GTF2E2: variants seen among roughly 807,000 people sequenced by gnomAD.
GTF2E2 encodes transcription initiation factor IIE subunit beta.
In GTF2E2, 21 loss-of-function variants were observed where a neutral mutation model predicts 40.5. The observed-to-expected ratio is 0.52, with a 90% CI of 0.37 to 0.75. The LOEUF is 0.75. Among genes scored for constraint, GTF2E2 ranks in the 30% least tolerant of loss-of-function variants. The probability of loss-of-function intolerance (pLI) is 0.00; values close to 1 mark genes in which losing one functional copy is unlikely to be tolerated. For synonymous variants in GTF2E2, 117 were observed against 121.6 expected (o/e 0.96, Z 0.25); for missense variants, 298 against 338.4 (o/e 0.88, Z 0.94).
rs917903399 is a variant in GTF2E2 at position 30,652,987 on chromosome 8, T to C, written c.166+446A>G. The stretch of plus-strand genomic sequence containing the variant: ...ACCACTTACTGTACAATTTCATTTA[T>C]AGGAAATATCCAGAAAAGGCAAATA... On this transcript the variant is annotated intron_variant, in intron 2 of 7. Transcript: ENST00000355904. Among the ~76,000 whole-genome samples the C allele has an allele frequency of 6.6e-5, 10 of 152,152 alleles. 1 individual carries two copies. The highest frequency in any genetic ancestry group is 4.1e-4 in the South Asian group (2 of 4,826).
chr8:30,620,765 CAA>C (rs754974238), intron 3 of GTF2E2, among the ~76,000 whole-genome samples: 2 of 131,130 alleles, frequency 1.5e-5, no homozygotes, highest in African/African-American at 2.8e-5. Context: ...CTCGACTCCA[CAA>C]AAAAAAAAAA....
intron 2 of GTF2E2, among the ~76,000 whole-genome samples, chr8:30,644,119 C>T (rs554182502): frequency 2.6e-5 from 4 of 152,192 alleles, no homozygotes; most frequent in Non-Finnish European, 5.9e-5. Flanking sequence ...GAGATCAAGA[C>T]AGTAAAAACT....
chr8:30,653,573 C>T lies in GTF2E2; in HGVS notation c.26G>A (p.Arg9Lys). MDPSLLRE[R>K]ELFKKRALST... ...AAGAGCTCGTTTTTTGAACAGCTCC[C>T]TTTCTCTCAACAGGCTTGGATCCAT... The change falls in exon 2 of 8, where the codon AGG becomes AAG. Residue 9 changes from arginine to lysine, a missense_variant. Physicochemically the swap from Arg to Lys is conservative, Grantham distance 26. Coordinates refer to ENST00000355904, the MANE Select transcript of GTF2E2 (RefSeq NM_002095.6). 1 of 1,613,102 alleles carries T rather than the reference C, an allele frequency of 6.2e-7. No homozygotes were observed. The highest frequency in any genetic ancestry group is 1.3e-5 in the African/African-American group (1 of 74,944).
chr8:30,580,547 T>C (rs964950697), intron 6 of GTF2E2, 151 bp from the exon 7 acceptor site: 7 of 615,048 alleles, frequency 1.1e-5, no homozygotes, highest in African/African-American at 5.5e-5. Flanking sequence ...AACATCCACA[T>C]GTGGGACACG....
intron 6 of GTF2E2, among the ~76,000 whole-genome samples, chr8:30,600,510 A>C (rs1829146515): frequency 6.6e-6 from 1 of 152,236 alleles, no homozygotes; most frequent in African/African-American, 2.4e-5. Context: ...GAGGAATCTC[A>C]GAGAGAGGTT....
At chr8:30,602,658 G>A (rs2151120598) in intron 6 of GTF2E2, among the ~76,000 whole-genome samples, 1 of 151,200 alleles carries the variant, frequency 6.6e-6, no homozygotes, top group African/African-American at 2.4e-5. Flanking sequence ...GGAGGCTGAG[G>A]CAGGAGAATT....
chr8:30,642,958 C>CT (rs1163461524), intron 2 of GTF2E2, among the ~76,000 whole-genome samples: 1 of 152,124 alleles, frequency 6.6e-6, no homozygotes, highest in Non-Finnish European at 1.5e-5. Context: ...TGAGATATCT[C>CT]TTTTTTGGAA....
chr8:30,650,488 G>T (rs1318124267), intron 2 of GTF2E2, among the ~76,000 whole-genome samples: 1 of 143,668 alleles, frequency 7.0e-6, no homozygotes, highest in Non-Finnish European at 1.5e-5. Flanking sequence ...CGGGGAGTTT[G>T]AGACCCACCT....
chr8:30,587,481 AAAT>A (rs199760369), intron 6 of GTF2E2, among the ~76,000 whole-genome samples: 1 of 151,964 alleles, frequency 6.6e-6, no homozygotes, highest in African/African-American at 2.4e-5. Flanking sequence ...AAAAAAAAAA[AAAT>A]AACCTGATTT....
chr8:30,645,730 A>T (rs1173589655), intron 2 of GTF2E2: 4 of 883,488 alleles, frequency 4.5e-6, no homozygotes, highest in Non-Finnish European at 6.7e-6. Flanking sequence ...GTAGAAGGGG[A>T]AAAAAAAGTT....
intron 6 of GTF2E2, among the ~76,000 whole-genome samples, chr8:30,599,777 G>T (rs1829121462): frequency 1.3e-5 from 2 of 152,106 alleles, no homozygotes; most frequent in African/African-American, 4.8e-5. Flanking sequence ...TAGGTCAAGA[G>T]ATCGAGACCA....
At chr8:30,627,448 CAAA>C (rs71539905) in intron 3 of GTF2E2, among the ~76,000 whole-genome samples, 2 of 64,778 alleles carry the variant, frequency 3.1e-5, no homozygotes, top group Non-Finnish European at 5.6e-5. Context: ...ACCTCTCTTG[CAAA>C]AAAAAAAAAA....
intron 1 of GTF2E2, 141 bp downstream of exon 1, chr8:30,657,832 G>C (rs920912660): frequency 1.3e-5 from 2 of 152,252 alleles, no homozygotes; most frequent in African/African-American, 4.8e-5. Context: ...CGTGCTGGGT[G>C]TTTCGCTTCG....
At chr8:30,652,575 GT>G (rs1563513058) in intron 2 of GTF2E2, among the ~76,000 whole-genome samples, 1 of 151,182 alleles carries the variant, frequency 6.6e-6, no homozygotes. Context: ...AATTTCAAGC[GT>G]TAGCAAGGAT....
intron 2 of GTF2E2, among the ~76,000 whole-genome samples, chr8:30,650,629 G>A (rs1002749719): frequency 1.3e-5 from 2 of 151,914 alleles, no homozygotes; most frequent in African/African-American, 4.8e-5. Flanking sequence ...GGGGAGTTTC[G>A]AGGCTGCAGT....
At chr8:30,618,950 A>G (rs1801004893) in intron 3 of GTF2E2, among the ~76,000 whole-genome samples, 1 of 152,074 alleles carries the variant, frequency 6.6e-6, no homozygotes, top group Non-Finnish European at 1.5e-5. Context: ...AACCTTCACT[A>G]TTATCTTCTT....
chr8:30,603,520 A>G (rs922870629), intron 6 of GTF2E2, among the ~76,000 whole-genome samples: 3 of 152,178 alleles, frequency 2.0e-5, no homozygotes, highest in Non-Finnish European at 4.4e-5. Context: ...ACATCAAGGA[A>G]AAGAACATTA....
intron 2 of GTF2E2, among the ~76,000 whole-genome samples, chr8:30,649,768 G>A (rs890069437): frequency 5.3e-5 from 8 of 152,002 alleles, no homozygotes; most frequent in African/African-American, 9.6e-5. Flanking sequence ...GCAAGACTCC[G>A]TCTCAAAAAA....
intron 6 of GTF2E2, among the ~76,000 whole-genome samples, chr8:30,606,720 T>C (rs1297645541): frequency 6.6e-6 from 1 of 152,174 alleles, no homozygotes; most frequent in Non-Finnish European, 1.5e-5. Context: ...CTTTTTCCCA[T>C]CCTGTATCAA....
Sources: gnomAD v4.1 joint callset for allele counts (sites outside exome capture counted in the v4.1 genomes callset) on GRCh38, gnomAD v4.1.1 for gene constraint, MANE v1.5 for transcripts, NCBI Gene and HGNC (gene_info 2026-07-23, HGNC 2026-07-21) for gene names.